TULP4: variants seen among roughly 807,000 people sequenced by gnomAD.
TULP4 encodes the protein tubby-related protein 4.
TULP4 carries 16 observed loss-of-function variants against 129.0 expected under a neutral mutation model. The ratio of observed to expected loss-of-function variants is 0.12; its 90% CI spans 0.08 to 0.19. The LOEUF is 0.19. Ranked by LOEUF, TULP4 falls within the 10% of genes least tolerant of loss-of-function variation. The pLI is 1.00. For missense variants in TULP4, 1,842 were observed against 2,059.1 expected, an observed-to-expected ratio of 0.89 and a Z score of 2.04; for synonymous variants, 998 against 854.0, an observed-to-expected ratio of 1.17 and a Z score of -2.94.
At chr6:158,429,087 A>G (rs1164999531) in intron 2 of TULP4, among the ~76,000 whole-genome samples, 1 of 152,164 alleles carries the variant, frequency 6.6e-6, no homozygotes, top group Non-Finnish European at 1.5e-5. Flanking sequence ...GGCTCAAGGA[A>G]TCCTCCCACC....
chr6:158,386,427 G>A (rs1777449766), intron 1 of TULP4, among the ~76,000 whole-genome samples: 1 of 152,132 alleles, frequency 6.6e-6, no homozygotes, highest in African/African-American at 2.4e-5. Flanking sequence ...GTGACAAAAT[G>A]AAATTTATAG....
chr6:158,288,331 G>A (rs1778864609), intron 1 of TULP4, among the ~76,000 whole-genome samples: 1 of 152,062 alleles, frequency 6.6e-6, no homozygotes, highest in South Asian at 2.1e-4. Context: ...AGTACTGTGT[G>A]GTAGTAGGGT....
chr6:158,503,116 C>T lies in TULP4; in HGVS notation c.3453C>T (p.Ser1151=), dbSNP rs149141012. 17 of 1,613,870 alleles carry T rather than the reference C, an allele frequency of 1.1e-5. No homozygotes were observed. The highest frequency in any genetic ancestry group is 6.7e-5 in the African/African-American group (5 of 74,922). The change falls in exon 13 of 14, where the codon TCC becomes TCT. Residue 1151 remains serine (S), a synonymous_variant. Coordinates refer to ENST00000367097, the MANE Select transcript of TULP4 (RefSeq NM_020245.5). This position sits in a 1 kb window ranked among gnomAD's most constrained non-coding sequence, Gnocchi z 4.3. ...CAGGGCCCAACCCCTTAAAACTGTC[C>T]TCTCTGATGCTGAGTCAGGGCCAGC... ...QTSGPNPLKL[S]SLMLSQGQHL...
rs1200162536 is a variant in TULP4 at position 158,481,154 on chromosome 6, C to T, written c.1351C>T (p.Pro451Ser). The part of the protein sequence containing the change: ...HCTMKRTEDD[P>S]EVGGPCYTLY... The stretch of plus-strand genomic sequence containing the variant: ...CACCATGAAGCGCACAGAGGACGAC[C>T]CGGAGGTGGGCGGCCCGTGCTACAC... Residue 451 changes from proline (P) to serine (S), a missense_variant, in exon 8 of 14, where the codon CCG becomes TCG. This residue lies in a region of TULP4 where 456 missense variants were observed against 534.3 expected (regional missense o/e 0.85). Transcript: ENST00000367097. 1 of 1,614,140 alleles carries T rather than the reference C, an allele frequency of 6.2e-7. No homozygotes were observed. The highest frequency in any genetic ancestry group is 1.7e-5 in the Admixed American group (1 of 60,014).
chr6:158,246,206 A>G (rs1351018882), intron 1 of TULP4, among the ~76,000 whole-genome samples: 1 of 152,196 alleles, frequency 6.6e-6, no homozygotes, highest in Non-Finnish European at 1.5e-5. Flanking sequence ...TTTAGCTAAA[A>G]TTAAATACAT....
intron 1 of TULP4, among the ~76,000 whole-genome samples, chr6:158,411,411 A>C (rs1778098083): frequency 6.6e-6 from 1 of 152,150 alleles, no homozygotes; most frequent in Admixed American, 6.5e-5. Flanking sequence ...CTCAACAGAG[A>C]GGATTCCGCT....
intron 1 of TULP4, among the ~76,000 whole-genome samples, chr6:158,298,739 G>C (rs1268117962): frequency 6.6e-6 from 1 of 152,066 alleles, no homozygotes; most frequent in African/African-American, 2.4e-5. Flanking sequence ...CTCTGTATAG[G>C]AGTAGTCAGG....
At position 158,503,298 on chromosome 6, in the gene TULP4, C is replaced by A; in HGVS notation, c.3635C>A (p.Ala1212Asp). The A allele has an allele frequency of 6.2e-7, 1 of 1,613,880 alleles. No homozygotes were observed. The highest frequency in any genetic ancestry group is 8.5e-7 in the Non-Finnish European group (1 of 1,179,954). The stretch of plus-strand genomic sequence containing the variant: ...CAGGCTCCCTGCTCTCCCAAAGATG[C>A]CCTGTCCCCAACGCAGTTTGCACAA... ...GVQAPCSPKD[A>D]LSPTQFAQQE... The change falls in exon 13 of 14, where the codon GCC becomes GAC. Residue 1212 changes from alanine to aspartate, a missense_variant. Physicochemically the swap from Ala to Asp is moderately radical, Grantham distance 126. Transcript: ENST00000367097. This position sits in a 1 kb window ranked among gnomAD's most constrained non-coding sequence, Gnocchi z 4.3.
At chr6:158,400,651 A>G (rs558758949) in intron 1 of TULP4, among the ~76,000 whole-genome samples, 2 of 152,210 alleles carry the variant, frequency 1.3e-5, no homozygotes, top group Admixed American at 1.3e-4. Flanking sequence ...GTTTTTGCTT[A>G]TGCTTAATTT....
chr6:158,288,280 T>C (rs1298663598), intron 1 of TULP4, among the ~76,000 whole-genome samples: 1 of 152,136 alleles, frequency 6.6e-6, no homozygotes, highest in Non-Finnish European at 1.5e-5. Flanking sequence ...TCCTATACCT[T>C]ATATTGATTT....
chr6:158,348,382 A>G (rs1780370995), intron 1 of TULP4, among the ~76,000 whole-genome samples: 1 of 151,924 alleles, frequency 6.6e-6, no homozygotes, highest in African/African-American at 2.4e-5. Context: ...ATGACTCTTA[A>G]TGAGCATGCT....
chr6:158,289,189 A>G (rs1434991743), intron 1 of TULP4, among the ~76,000 whole-genome samples: 1 of 152,154 alleles, frequency 6.6e-6, no homozygotes, highest in African/African-American at 2.4e-5. Flanking sequence ...TATGTTATCT[A>G]ATTTTATAAC....
intron 1 of TULP4, among the ~76,000 whole-genome samples, chr6:158,338,997 A>T (rs1238898659): frequency 1.3e-5 from 2 of 152,224 alleles, no homozygotes; most frequent in Non-Finnish European, 2.9e-5. Flanking sequence ...ACTGAGTCTT[A>T]CACTTGGGAA....
intron 1 of TULP4, among the ~76,000 whole-genome samples, chr6:158,324,301 T>C (rs149120662): frequency 2.0e-4 from 31 of 152,338 alleles, no homozygotes; most frequent in Non-Finnish European, 2.8e-4. Flanking sequence ...AACGTCATTG[T>C]CCTGGTGAGT....
At chr6:158,434,459 G>A (rs530870858) in intron 3 of TULP4, among the ~76,000 whole-genome samples, 1 of 152,324 alleles carries the variant, frequency 6.6e-6, no homozygotes, top group African/African-American at 2.4e-5. Context: ...TGGGTCCTAA[G>A]TTGACGCAGA....
chr6:158,358,402 G>A (rs140162243), intron 1 of TULP4, among the ~76,000 whole-genome samples: 1 of 152,188 alleles, frequency 6.6e-6, no homozygotes, highest in East Asian at 1.9e-4. Context: ...ATCAGTCCTT[G>A]TGGTATATTT....
chr6:158,306,999 C>A (rs1011831725), intron 1 of TULP4, among the ~76,000 whole-genome samples: 1 of 151,806 alleles, frequency 6.6e-6, no homozygotes, highest in African/African-American at 2.4e-5. Flanking sequence ...CCAGCCTGGG[C>A]GACAGAGTGA....
chr6:158,380,910 A>AAAAAAAG (rs779845034), intron 1 of TULP4, among the ~76,000 whole-genome samples: 14,834 of 131,634 alleles, frequency 0.11, 1,725 homozygotes, highest in Non-Finnish European at 0.19. Flanking sequence ...AAAAAAAAAA[A>AAAAAAAG]AAGAAGAAGA....
chr6:158,246,290 A>T (rs2128449404), intron 1 of TULP4, among the ~76,000 whole-genome samples: 1 of 152,142 alleles, frequency 6.6e-6, no homozygotes, highest in African/African-American at 2.4e-5. Flanking sequence ...TTACGAGGTC[A>T]GGAGATCGAG....
Sources: allele counts gnomAD v4.1 joint callset (sites outside exome capture counted in the v4.1 genomes callset), GRCh38; gene constraint gnomAD v4.1.1; regional missense constraint gnomAD v4.1.1; non-coding constraint Gnocchi (gnomAD v3.1); transcripts MANE v1.5; gene names NCBI Gene and HGNC (gene_info 2026-07-23, HGNC 2026-07-21).